Variants in EXOSC5 observed in about 807,000 individuals in gnomAD.
EXOSC5 encodes exosome component 5.
A neutral mutation model predicts 23.7 loss-of-function variants in EXOSC5; 15 were observed. That is an observed-to-expected ratio of 0.63 (90% CI 0.42 to 0.97). The LOEUF (loss-of-function observed/expected upper bound fraction) is 0.97. Among genes scored for constraint, EXOSC5 ranks in the 50% least tolerant of loss-of-function variants. The pLI is 0.00. For missense variants in EXOSC5, 305 were observed against 316.3 expected (o/e 0.96, Z 0.27); for synonymous variants, 143 against 140.9 (o/e 1.02, Z -0.11).
At position 41,387,535 on chromosome 19, in the gene EXOSC5, C is replaced by G. The variant is rs867037676; in HGVS notation, c.594G>C (p.Lys198Asn). The change falls in exon 5 of 6, where the codon AAG becomes AAC. Residue 198 changes from lysine (K) to asparagine (N), a missense_variant. Physicochemically the swap from Lys to Asn is moderately conservative, Grantham distance 94. Transcript: ENST00000221233. ...VERKLLMSSTKGLYSDTELQQ... is the reference protein window; with the variant it reads ...VERKLLMSSTNGLYSDTELQQ... ...GTACCTCAGTGTCTGAGTAGAGCCC[C>G]TTGGTGCTGGACATCAGCAGCTTCC... The G allele has an allele frequency of 3.7e-6, 6 of 1,604,362 alleles. No homozygotes were observed. Among genetic ancestry groups the G allele is most frequent in the Middle Eastern group, 1.6e-4 (1 of 6,078 alleles).
intron 1 of EXOSC5, among the ~76,000 whole-genome samples, chr19:41,394,539 G>A (rs2123226610): frequency 6.6e-6 from 1 of 152,042 alleles, no homozygotes; most frequent in Admixed American, 6.6e-5. Flanking sequence ...TTTTGGGACA[G>A]AGTTTCCCTC....
intron 1 of EXOSC5, 116 bp from the exon 2 acceptor site, chr19:41,393,096 T>G (rs1028989516): frequency 1.4e-6 from 1 of 731,026 alleles, no homozygotes; most frequent in Non-Finnish European, 2.4e-6. Context: ...TTGTTGGTAC[T>G]GATTCTTTGA....
At chr19:41,393,805 C>T (rs773191504) in intron 1 of EXOSC5, among the ~76,000 whole-genome samples, 1 of 151,244 alleles carries the variant, frequency 6.6e-6, no homozygotes, top group Admixed American at 6.6e-5. Context: ...ATGATCTGCC[C>T]GCCTCCCAAA....
At chr19:41,387,834 G>A (rs1568496050) in intron 4 of EXOSC5, among the ~76,000 whole-genome samples, 2 of 150,296 alleles carry the variant, frequency 1.3e-5, no homozygotes, top group Admixed American at 1.3e-4. Context: ...GGGGGTGCAT[G>A]TCTGAGTTCC....
chr19:41,393,097 G>A (rs1568497602), intron 1 of EXOSC5, 117 bp from the exon 2 acceptor site: 1 of 719,240 alleles, frequency 1.4e-6, no homozygotes, highest in Non-Finnish European at 2.4e-6. Flanking sequence ...TGTTGGTACT[G>A]ATTCTTTGAG....
chr19:41,396,313 G>C (rs1353017517), intron 1 of EXOSC5, among the ~76,000 whole-genome samples: 1 of 151,984 alleles, frequency 6.6e-6, no homozygotes, highest in Non-Finnish European at 1.5e-5. Context: ...AGGTTCAAGT[G>C]ATTGTCCTGC....
At chr19:41,388,813 A>G (rs2039002531) in intron 4 of EXOSC5, among the ~76,000 whole-genome samples, 1 of 152,200 alleles carries the variant, frequency 6.6e-6, no homozygotes, top group Non-Finnish European at 1.5e-5. Context: ...TGAGCCTCCT[A>G]GGATGGAAAT....
intron 4 of EXOSC5, among the ~76,000 whole-genome samples, chr19:41,388,346 C>T (rs1390890122): frequency 6.6e-6 from 1 of 152,216 alleles, no homozygotes; most frequent in African/African-American, 2.4e-5. Context: ...TAGTTTCCAT[C>T]AGTAATGAGG....
intron 1 of EXOSC5, among the ~76,000 whole-genome samples, chr19:41,393,966 G>A (rs1194068291): frequency 6.6e-6 from 1 of 152,112 alleles, no homozygotes; most frequent in African/African-American, 2.4e-5. Flanking sequence ...TCTTCCCTTA[G>A]GCACTGGCCC....
Position 41,386,558 on chromosome 19 carries a change from G to GGCT in EXOSC5, c.*72_*74dup. 1 of 1,438,250 alleles carries GGCT rather than the reference G, an allele frequency of 7.0e-7. No individual in the cohort carries two copies. Among genetic ancestry groups the GGCT allele is most frequent in the South Asian group, 1.2e-5 (1 of 80,742 alleles). The allele number at this position is 1,438,250 out of a possible 1,614,324, so 89.1% of individuals were successfully genotyped here. On this transcript the variant is annotated 3_prime_UTR_variant, in exon 6 of 6. Coordinates refer to ENST00000221233, the MANE Select transcript of EXOSC5 (RefSeq NM_020158.4). Reference sequence around the variant, plus strand: ...CCCATGGGTCAGAGAGGCAAGGCTGGGCTGCTGGTTTGCTTCAGGCTGTAG... The same window carrying GGCT: ...CCCATGGGTCAGAGAGGCAAGGCTGGGCTGCTGCTGGTTTGCTTCAGGCTGTAG...
rs766182036 is a variant in EXOSC5 at position 41,389,764 on chromosome 19, C to A, written c.525+1G>T. On this transcript the variant is annotated splice_donor_variant, in intron 4 of 5. Transcript: ENST00000221233. LOFTEE classifies it high-confidence loss of function. ...TCAGCCACCCTGGTCTTCACACCTACCTTTTCTTGCTTGGATGTAGGATCC... is the reference window on the plus strand; with the variant it reads ...TCAGCCACCCTGGTCTTCACACCTAACTTTTCTTGCTTGGATGTAGGATCC... The A allele has an allele frequency of 1.2e-6, 2 of 1,612,682 alleles. No homozygotes were observed. The highest frequency in any genetic ancestry group is 1.7e-6 in the Non-Finnish European group (2 of 1,179,416).
At chr19:41,390,004 C>T (rs1406611369) in intron 3 of EXOSC5, 99 bp from the exon 4 acceptor site, 39 of 1,375,730 alleles carry the variant, frequency 2.8e-5, no homozygotes, top group Admixed American at 8.7e-5. Flanking sequence ...GTGATCTCGG[C>T]TCACTGCAAC....
intron 4 of EXOSC5, 147 bp downstream of exon 4, chr19:41,389,618 C>T (rs2039008063): frequency 1.6e-6 from 2 of 1,235,240 alleles, no homozygotes; most frequent in African/African-American, 3.1e-5. Context: ...GCACTTGCTG[C>T]TAAATGAACC....
chr19:41,395,860 C>G lies in EXOSC5; in HGVS notation c.148+1321G>C, dbSNP rs547551317. Among the ~76,000 whole-genome samples the G allele has an allele frequency of 2.0e-5, 3 of 152,284 alleles. No individual in the cohort carries two copies. The South Asian group carries it at 6.2e-4, about 32-fold the overall frequency. On this transcript the variant is annotated intron_variant, in intron 1 of 5. Coordinates refer to ENST00000221233, the MANE Select transcript of EXOSC5 (RefSeq NM_020158.4). The stretch of plus-strand genomic sequence containing the variant: ...CCAGAGAGTTCCAAATTGCCTATGT[C>G]CAGCTTGGGTCTCTCTTCTGATTTC...
Position 41,391,895 on chromosome 19 carries a change from C to T in EXOSC5, c.330G>A (p.Leu110=). The change falls in exon 3 of 6, where the codon TTG becomes TTA. Residue 110 remains leucine, a synonymous_variant. Coordinates refer to ENST00000221233, the MANE Select transcript of EXOSC5 (RefSeq NM_020158.4). ...NTCEAVVLGT[L]HPRTSITVVL... is the part of the protein sequence containing the mutation. ...CCACGGTGATGGAGGTGCGGGGGTGCAACGTGCCCAGCACCACCGCCTCGC... is the reference window on the plus strand; with the variant it reads ...CCACGGTGATGGAGGTGCGGGGGTGTAACGTGCCCAGCACCACCGCCTCGC... 1 of 1,564,630 alleles carries T rather than the reference C, an allele frequency of 6.4e-7. No homozygotes were observed.
At chr19:41,388,057 A>G (rs1217989169) in intron 4 of EXOSC5, among the ~76,000 whole-genome samples, 1 of 152,182 alleles carries the variant, frequency 6.6e-6, no homozygotes, top group African/African-American at 2.4e-5. Context: ...GCGCTCACCT[A>G]TCAAGCATCA....
At chr19:41,396,117 G>A (rs1027445092) in intron 1 of EXOSC5, among the ~76,000 whole-genome samples, 3 of 152,028 alleles carry the variant, frequency 2.0e-5, no homozygotes, top group Admixed American at 6.6e-5. Context: ...GGGGCTGGGC[G>A]TGGTGGCTCA....
intron 1 of EXOSC5, among the ~76,000 whole-genome samples, chr19:41,396,943 C>G (rs1422946476): frequency 6.6e-6 from 1 of 152,090 alleles, no homozygotes; most frequent in African/African-American, 2.4e-5. Context: ...CTTGGGCGGA[C>G]AGTCTGCCCC....
chr19:41,390,529 G>C (rs990507262), intron 3 of EXOSC5, among the ~76,000 whole-genome samples: 1 of 152,198 alleles, frequency 6.6e-6, no homozygotes, highest in African/African-American at 2.4e-5. Flanking sequence ...TGGCAAATAG[G>C]GTCAGAGAGG....
Sources: allele counts gnomAD v4.1 joint callset (sites outside exome capture counted in the v4.1 genomes callset), GRCh38; gene constraint gnomAD v4.1.1; transcripts MANE v1.5; gene names NCBI Gene and HGNC (gene_info 2026-07-23, HGNC 2026-07-21).